The following URI1 variants were observed in gnomAD, a reference collection of about 807,000 sequenced individuals.
URI1 encodes the protein unconventional prefoldin RPB5 interactor 1.
Under a neutral mutation model 60.2 loss-of-function variants are expected in URI1, and 39 were observed. The observed-to-expected ratio is 0.65, with a 90% CI of 0.50 to 0.85. The LOEUF is 0.85. URI1 is among the 40% of genes least tolerant of loss of function. The probability of loss-of-function intolerance (pLI) is 0.00; values close to 1 mark genes in which losing one functional copy is unlikely to be tolerated. For synonymous variants in URI1, 251 were observed against 236.8 expected, an observed-to-expected ratio of 1.06 and a Z score of -0.55; for missense variants, 691 against 665.9, an observed-to-expected ratio of 1.04 and a Z score of -0.42.
At position 29,956,743 on chromosome 19, in the gene URI1, C is replaced by G; in HGVS notation, c.117+14079C>G. Reference sequence around the variant, plus strand: ...TGTAATGGAAGCCCAGTGTAACACCCTTGATCATGTTCTGTACATGACTAC... The same window carrying G: ...TGTAATGGAAGCCCAGTGTAACACCGTTGATCATGTTCTGTACATGACTAC... On this transcript the variant is annotated intron_variant, in intron 1 of 10. Transcript: ENST00000392271. 6 of 1,579,184 alleles carry G rather than the reference C, an allele frequency of 3.8e-6. No homozygotes were observed. The South Asian group carries it at 4.4e-5, about 12-fold the overall frequency.
intron 1 of URI1, among the ~76,000 whole-genome samples, chr19:29,949,073 G>A (rs1255518758): frequency 5.3e-5 from 8 of 150,342 alleles, no homozygotes; most frequent in Non-Finnish European, 1.2e-4. Flanking sequence ...CCTCCCGGAC[G>A]GGGCTTCTGC....
At chr19:29,980,875 T>C (rs2055587740) in intron 2 of URI1, among the ~76,000 whole-genome samples, 1 of 128,118 alleles carries the variant, frequency 7.8e-6, no homozygotes, top group Non-Finnish European at 1.5e-5. Context: ...TGAGCCGAGA[T>C]CACGCCACGG....
intron 10 of URI1, 103 bp downstream of exon 10, chr19:30,012,634 A>G (rs888220219): frequency 2.4e-5 from 33 of 1,402,616 alleles, no homozygotes; most frequent in Middle Eastern, 2.2e-4. Context: ...TCTAGGTTTT[A>G]TACTTTCTTG....
intron 1 of URI1, among the ~76,000 whole-genome samples, chr19:29,954,150 A>G (rs906227308): frequency 2.6e-5 from 4 of 152,162 alleles, no homozygotes; most frequent in South Asian, 2.1e-4. Flanking sequence ...CTATCCTACA[A>G]TATATACAAA....
chr19:30,015,628 T>G lies in URI1; in HGVS notation c.*559T>G, dbSNP rs1018317756. On this transcript the variant is annotated 3_prime_UTR_variant, in exon 11 of 11. Transcript: ENST00000392271. The stretch of plus-strand genomic sequence containing the variant: ...AGAAAGCTACATGAATTAATTGTAC[T>G]CTATGGGAAAATTTCTTTGGAAAGA... The G allele has an allele frequency of 4.1e-6, 6 of 1,468,918 alleles. No homozygotes were observed. In the African/African-American group the frequency reaches 4.3e-5, roughly 10 times the overall value. The allele number at this position is 1,468,918 out of a possible 1,614,324, so 91.0% of individuals were successfully genotyped here.
intron 1 of URI1, among the ~76,000 whole-genome samples, chr19:29,964,282 ATCTG>A (rs916619735): frequency 1.3e-5 from 2 of 152,122 alleles, no homozygotes; most frequent in African/African-American, 4.8e-5. Flanking sequence ...TTTTGTATTT[ATCTG>A]TCTGTCTCTT....
At position 29,969,382 on chromosome 19, in the gene URI1, A is replaced by C. The variant is rs73044832; in HGVS notation, c.118-1811A>C. ...TCTACCAGTGACTTGTTTCTTAAAC[A>C]TAAAAAGCATATGTGCCAAATTTGC... is the stretch of plus-strand genomic sequence containing the variant. On this transcript the variant is annotated intron_variant, in intron 1 of 10. Transcript: ENST00000392271. Among the ~76,000 whole-genome samples the C allele has an allele frequency of 8.8e-3, 1,336 of 152,306 alleles. 6 individuals are homozygous for C. The highest frequency in any genetic ancestry group is 0.013 in the Non-Finnish European group (893 of 68,020).
upstream of URI1, chr19:29,938,057 A>G (rs2054988847): frequency 6.6e-6 from 1 of 152,130 alleles, no homozygotes; most frequent in African/African-American, 2.4e-5. Flanking sequence ...GGGTTTCACC[A>G]TATTGGCCAG....
chr19:29,935,705 T>TTTTTTCTTTTTTC (rs1485967222), intron 1 of URI1, among the ~76,000 whole-genome samples: 1 of 151,720 alleles, frequency 6.6e-6, no homozygotes, highest in African/African-American at 2.4e-5. Flanking sequence ...ACAGTCTTTT[T>TTTTTTCTTTTTTC]TTTTTTTTTC....
chr19:29,925,910 T>TGCTCTG (rs1171000511), intron 1 of URI1: 2 of 152,292 alleles, frequency 1.3e-5, no homozygotes, highest in East Asian at 1.9e-4. Flanking sequence ...ACATACCGTA[T>TGCTCTG]GAGTCCATTG....
chr19:29,983,627 C>A (rs773827872), intron 2 of URI1, among the ~76,000 whole-genome samples: 99 of 152,220 alleles, frequency 6.5e-4, no homozygotes, highest in Non-Finnish European at 1.2e-3. Flanking sequence ...CATCCTTCTG[C>A]TTAAAAAAAA....
upstream of URI1, among the ~76,000 whole-genome samples, chr19:29,941,110 A>G (rs2055018736): frequency 2.0e-5 from 3 of 152,184 alleles, no homozygotes; most frequent in Admixed American, 1.3e-4. Context: ...GGCAGGAGTG[A>G]GGGAAGAGAA....
intron 1 of URI1, among the ~76,000 whole-genome samples, chr19:29,968,641 G>A (rs1368330811): frequency 3.7e-5 from 5 of 133,702 alleles, no homozygotes; most frequent in Non-Finnish European, 4.6e-5. Context: ...GCGCGATCTC[G>A]GCTCACTGCA....
rs768068942 is a variant in URI1, at chr19:30,005,701, A to G, written c.510A>G (p.Glu170=). 6.2e-7 allele frequency: 1 copy of G among 1,611,628 alleles called. No homozygotes were observed. The highest frequency in any genetic ancestry group is 8.5e-7 in the Non-Finnish European group (1 of 1,178,988). ...GAGAAGAAATTAAATGTGACTTCGA[A>G]TTTAAAGGTAAGCAGTAAGATTGTT... ...DIREEIKCDF[E]FKAKHRIAHK... Residue 170 remains glutamate, a synonymous_variant, in exon 6 of 11, where the codon GAA becomes GAG. Coordinates refer to ENST00000392271, the MANE Select transcript of URI1 (RefSeq NM_003796.3).
intron 2 of URI1, among the ~76,000 whole-genome samples, chr19:29,974,471 A>G (rs2055496641): frequency 6.6e-6 from 1 of 152,244 alleles, no homozygotes; most frequent in Non-Finnish European, 1.5e-5. Flanking sequence ...AAGGTGATAG[A>G]GTAGTATAGT....
Position 29,995,590 on chromosome 19 carries a change from C to T in URI1, c.367+9173C>T, listed in dbSNP as rs531909083. On this transcript the variant is annotated intron_variant, in intron 4 of 10. Coordinates refer to ENST00000392271, the MANE Select transcript of URI1 (RefSeq NM_003796.3). ...AGCTGCCAGGTAGAGTGCCCTTTTA[C>T]TTTCTTGATAATGTTGTTTGATGCA... Among the ~76,000 whole-genome samples the T allele has an allele frequency of 3.9e-4, 59 of 149,862 alleles. 1 individual carries two copies. Among genetic ancestry groups the T allele is most frequent in the Non-Finnish European group, 8.3e-4 (56 of 67,586 alleles).
intron 1 of URI1, among the ~76,000 whole-genome samples, chr19:29,954,295 A>T (rs2055215537): frequency 6.6e-6 from 1 of 152,208 alleles, no homozygotes; most frequent in South Asian, 2.1e-4. Context: ...TGATCCCAAA[A>T]GTCACTTGAA....
At position 30,005,428 on chromosome 19, in the gene URI1, A is replaced by G. The variant is rs775102984; in HGVS notation, c.435A>G (p.Thr145=). 6.2e-7 allele frequency: 1 copy of G among 1,601,792 alleles called. No homozygotes were observed. The highest frequency in any genetic ancestry group is 8.5e-7 in the Non-Finnish European group (1 of 1,175,998). Residue 145 remains threonine (T), a synonymous_variant, in exon 5 of 11, where the codon ACA becomes ACG. Coordinates refer to ENST00000392271, the MANE Select transcript of URI1 (RefSeq NM_003796.3). ...MKNFESRVEF[T]EDLQKMSDAA... is the part of the protein sequence containing the mutation. ...ATTTTGAATCCAGAGTTGAATTCAC[A>G]GAAGATTTGCAGAAAATGAGCGATG...
intron 1 of URI1, among the ~76,000 whole-genome samples, chr19:29,930,967 C>A (rs1014227221): frequency 1.3e-5 from 2 of 151,928 alleles, no homozygotes; most frequent in Non-Finnish European, 2.9e-5. Context: ...CTTGGCTTCC[C>A]AATGTGTTGG....
Sources: allele counts gnomAD v4.1 joint callset (sites outside exome capture counted in the v4.1 genomes callset), GRCh38; gene constraint gnomAD v4.1.1; transcripts MANE v1.5; gene names NCBI Gene and HGNC (gene_info 2026-07-23, HGNC 2026-07-21).